EXOC6B: variants seen among roughly 807,000 people sequenced by gnomAD.
The protein encoded by EXOC6B is exocyst complex component 6B.
In EXOC6B, 54 loss-of-function variants were observed where a neutral mutation model predicts 113.5. That is an observed-to-expected ratio of 0.48 (90% confidence interval 0.38 to 0.60). The LOEUF is 0.60. Ranked by LOEUF, EXOC6B falls within the 20% of genes least tolerant of loss-of-function variation. The pLI is 0.00. For missense variants in EXOC6B, 797 were observed against 977.5 expected (o/e 0.82, Z 2.46); for synonymous variants, 357 against 339.0 (o/e 1.05, Z -0.58).
intron 1 of EXOC6B, among the ~76,000 whole-genome samples, chr2:72,809,306 C>G (rs1685749545): frequency 6.6e-6 from 1 of 151,780 alleles, no homozygotes; most frequent in Non-Finnish European, 1.5e-5. Flanking sequence ...TTTTATAAAA[C>G]AATACAAGTA....
At chr2:72,654,471 T>G (rs1373952245) in intron 6 of EXOC6B, among the ~76,000 whole-genome samples, 4 of 152,348 alleles carry the variant, frequency 2.6e-5, no homozygotes, top group Non-Finnish European at 5.9e-5. Context: ...TCACTTCGTG[T>G]TGCAGAAGAG....
At chr2:72,662,693 G>A (rs1224796061) in intron 6 of EXOC6B, among the ~76,000 whole-genome samples, 2 of 151,854 alleles carry the variant, frequency 1.3e-5, no homozygotes, top group African/African-American at 2.4e-5. Context: ...GGAATGCTCA[G>A]ATATTGTTGG....
At chr2:72,193,948 A>G (rs1213773701) in intron 20 of EXOC6B, among the ~76,000 whole-genome samples, 1 of 152,194 alleles carries the variant, frequency 6.6e-6, no homozygotes, top group Non-Finnish European at 1.5e-5. Flanking sequence ...GATTTACATA[A>G]TTATCTATGC....
chr2:72,419,705 C>T (rs1694754039), intron 18 of EXOC6B, among the ~76,000 whole-genome samples: 1 of 152,184 alleles, frequency 6.6e-6, no homozygotes, highest in South Asian at 2.1e-4. Context: ...TGTGACAAGT[C>T]ACTTATCTCT....
At chr2:72,549,871 G>C (rs534634643) in intron 8 of EXOC6B, among the ~76,000 whole-genome samples, 160 of 152,212 alleles carry the variant, frequency 1.1e-3, no homozygotes, top group African/African-American at 3.7e-3. Context: ...CAGAAAGGCT[G>C]GTAGAGAATT....
At position 72,270,224 on chromosome 2, in the gene EXOC6B, C is replaced by G. The variant is rs11888753; in HGVS notation, c.2196+64723G>C. Reference sequence around the variant, plus strand: ...ATTTCCTGTTGGCAGCTGCTAAAACCCCTGGGTGGTCAAAATTTGGAGTAC... The same window carrying G: ...ATTTCCTGTTGGCAGCTGCTAAAACGCCTGGGTGGTCAAAATTTGGAGTAC... On this transcript the variant is annotated intron_variant, in intron 20 of 21. Coordinates refer to ENST00000272427, the MANE Select transcript of EXOC6B (RefSeq NM_015189.3). Among the ~76,000 whole-genome samples, 841 of 152,180 alleles carry G rather than the reference C, an allele frequency of 5.5e-3. 6 individuals carry two copies. Among genetic ancestry groups the G allele is most frequent in the African/African-American group, 0.019 (791 of 41,518 alleles).
intron 1 of EXOC6B, among the ~76,000 whole-genome samples, chr2:72,816,674 C>T (rs1226528386): frequency 1.3e-5 from 2 of 152,064 alleles, no homozygotes; most frequent in Non-Finnish European, 2.9e-5. Flanking sequence ...ATAAGATTTC[C>T]AGGAGCTCAG....
At chr2:72,740,708 A>G (rs1418897987) in intron 2 of EXOC6B, among the ~76,000 whole-genome samples, 2 of 152,246 alleles carry the variant, frequency 1.3e-5, no homozygotes, top group Non-Finnish European at 1.5e-5. Context: ...GCAAGGAAAC[A>G]GAAACATGAA....
At chr2:72,716,381 A>T (rs1037861742) in intron 6 of EXOC6B, among the ~76,000 whole-genome samples, 7 of 152,300 alleles carry the variant, frequency 4.6e-5, no homozygotes, top group Admixed American at 3.9e-4. Flanking sequence ...TTGAACACCT[A>T]CTACGTACAA....
At chr2:72,601,936 T>C (rs1180827002) in intron 6 of EXOC6B, among the ~76,000 whole-genome samples, 1 of 152,200 alleles carries the variant, frequency 6.6e-6, no homozygotes, top group East Asian at 1.9e-4. Flanking sequence ...ACTGTATGAT[T>C]CCAATTATGT....
chr2:72,220,277 G>A (rs568845026), intron 20 of EXOC6B, among the ~76,000 whole-genome samples: 16 of 152,170 alleles, frequency 1.1e-4, no homozygotes, highest in African/African-American at 3.9e-4. Context: ...CTAGGTGCTG[G>A]CCCTGCTACT....
chr2:72,754,631 G>C (rs79315248), intron 1 of EXOC6B, among the ~76,000 whole-genome samples: 2 of 138,532 alleles, frequency 1.4e-5, no homozygotes, highest in Non-Finnish European at 1.5e-5. Context: ...TTTTTTTTTA[G>C]AGACAGTATC....
intron 20 of EXOC6B, among the ~76,000 whole-genome samples, chr2:72,318,625 C>T (rs1318063892): frequency 6.6e-6 from 1 of 152,140 alleles, no homozygotes; most frequent in African/African-American, 2.4e-5. Context: ...CTCCTGACCT[C>T]AAGTAATCCA....
At chr2:72,293,562 T>C (rs1685940888) in intron 20 of EXOC6B, among the ~76,000 whole-genome samples, 1 of 152,186 alleles carries the variant, frequency 6.6e-6, no homozygotes, top group South Asian at 2.1e-4. Context: ...CCTTCAGCTA[T>C]GGATCTGAGA....
chr2:72,309,695 C>A (rs1687079049), intron 20 of EXOC6B, among the ~76,000 whole-genome samples: 2 of 151,970 alleles, frequency 1.3e-5, no homozygotes. Flanking sequence ...TTAAAATGTA[C>A]AAATTCAGTG....
At chr2:72,738,095 A>G (rs1441045302) in intron 2 of EXOC6B, among the ~76,000 whole-genome samples, 2 of 152,190 alleles carry the variant, frequency 1.3e-5, no homozygotes, top group Non-Finnish European at 2.9e-5. Flanking sequence ...TGCCATTCAA[A>G]TATGACTTTC....
At position 72,641,522 on chromosome 2, in the gene EXOC6B, C is replaced by A. The variant is rs189095423; in HGVS notation, c.670-65854G>T. On this transcript the variant is annotated intron_variant, in intron 6 of 21. Transcript: ENST00000272427. The stretch of plus-strand genomic sequence containing the variant: ...ACCTGGCAACGGGAGGGGTATCCAC[C>A]ATTGCTGAGGCTTGAGTAGGTAAAC... 2.4e-4 allele frequency among the ~76,000 whole-genome samples: 37 copies of A among 152,366 alleles called. No homozygotes were observed. The East Asian group carries it at 6.2e-3, about 25-fold the overall frequency.
intron 18 of EXOC6B, among the ~76,000 whole-genome samples, chr2:72,385,813 C>A (rs905289605): frequency 2.0e-5 from 3 of 152,060 alleles, no homozygotes; most frequent in Non-Finnish European, 4.4e-5. Flanking sequence ...CAATGAGATA[C>A]CACCTCTCAT....
chr2:72,327,521 G>A (rs1177118531), intron 20 of EXOC6B, among the ~76,000 whole-genome samples: 1 of 151,914 alleles, frequency 6.6e-6, no homozygotes, highest in Non-Finnish European at 1.5e-5. Context: ...ATAGAAAATG[G>A]CCTTCCAAAC....
Sources: gnomAD v4.1 joint callset for allele counts (sites outside exome capture counted in the v4.1 genomes callset) on GRCh38, gnomAD v4.1.1 for gene constraint, MANE v1.5 for transcripts, NCBI Gene and HGNC (gene_info 2026-07-23, HGNC 2026-07-21) for gene names.